CPED1: variants seen among roughly 807,000 people sequenced by gnomAD.
The protein encoded by CPED1 is cadherin-like and PC-esterase domain-containing protein 1.
CPED1 carries 114 observed loss-of-function variants against 128.2 expected under a neutral mutation model. The ratio of observed to expected loss-of-function variants is 0.89; its 90% confidence interval spans 0.76 to 1.04. CPED1 has a LOEUF of 1.04. Ranked by LOEUF, CPED1 falls within the 50% of genes least tolerant of loss-of-function variation. The probability of loss-of-function intolerance (pLI) is 0.00; values close to 1 mark genes in which losing one functional copy is unlikely to be tolerated. For missense variants in CPED1, 1,211 were observed against 1,207.1 expected, an observed-to-expected ratio of 1.00 and a Z score of -0.05; for synonymous variants, 462 against 426.7, an observed-to-expected ratio of 1.08 and a Z score of -1.02.
intron 16 of CPED1, among the ~76,000 whole-genome samples, chr7:121,194,022 C>CTATATATATATATA (rs1231718616): frequency 4.0e-5 from 3 of 74,762 alleles, no homozygotes; most frequent in African/African-American, 5.3e-5. Flanking sequence ...CTCTCTCTCT[C>CTATATATATATATA]TATATATATA....
intron 16 of CPED1, among the ~76,000 whole-genome samples, chr7:121,151,177 G>A (rs1259626123): frequency 6.6e-6 from 1 of 152,114 alleles, no homozygotes; most frequent in Non-Finnish European, 1.5e-5. Flanking sequence ...TTTGGAGGAG[G>A]CAGTGTGCCC....
chr7:121,253,141 G>A (rs1433198047), intron 18 of CPED1, among the ~76,000 whole-genome samples: 1 of 152,076 alleles, frequency 6.6e-6, no homozygotes, highest in East Asian at 1.9e-4. Flanking sequence ...CATAAAAAAT[G>A]ATGAGTTCAT....
intron 16 of CPED1, among the ~76,000 whole-genome samples, chr7:121,143,437 G>C (rs1795949136): frequency 6.6e-6 from 1 of 151,732 alleles, no homozygotes; most frequent in Non-Finnish European, 1.5e-5. Flanking sequence ...TATTTTTGTG[G>C]GACAGATTTG....
intron 18 of CPED1, among the ~76,000 whole-genome samples, chr7:121,256,304 A>G (rs182742050): frequency 2.6e-4 from 40 of 152,192 alleles, no homozygotes; most frequent in Admixed American, 6.6e-4. Flanking sequence ...CTGATCTTCA[A>G]CAAGGCCAGT....
chr7:121,296,264 G>GA lies in CPED1; in HGVS notation c.*615dup. 1 of 152,244 alleles carries GA rather than the reference G, an allele frequency of 6.6e-6. No homozygotes were observed. The highest frequency in any genetic ancestry group is 1.5e-5 in the Non-Finnish European group (1 of 68,026). 9.4% of individuals were successfully genotyped at this position (152,244 alleles called of 1,614,324 possible). On this transcript the variant is annotated 3_prime_UTR_variant, in exon 23 of 23. Transcript: ENST00000310396. ...TGAAGAGATTCTGTGAGAGAGATAT[G>GA]AAATATTTTATAGTTAAAACACCAA...
chr7:121,157,944 C>T (rs1006491980), intron 16 of CPED1, among the ~76,000 whole-genome samples: 25 of 152,016 alleles, frequency 1.6e-4, no homozygotes, highest in African/African-American at 5.6e-4. Context: ...TCTTCTATAC[C>T]CTTACTGGTT....
intron 7 of CPED1, among the ~76,000 whole-genome samples, chr7:121,112,916 A>G (rs1424626211): frequency 1.3e-5 from 2 of 152,184 alleles, no homozygotes; most frequent in Non-Finnish European, 2.9e-5. Flanking sequence ...ATGTGAGAAT[A>G]GGGAAATATT....
At chr7:121,027,608 C>G (rs1281358649) in intron 3 of CPED1, among the ~76,000 whole-genome samples, 2 of 151,988 alleles carry the variant, frequency 1.3e-5, no homozygotes, top group Admixed American at 6.6e-5. Context: ...TCAGCTCAAC[C>G]AACTGAGGAA....
chr7:121,129,894 G>A (rs1167570660), intron 11 of CPED1, among the ~76,000 whole-genome samples: 47 of 146,002 alleles, frequency 3.2e-4, no homozygotes, highest in Non-Finnish European at 3.0e-4. Flanking sequence ...TCAATGAAAA[G>A]AAAAAAAAAA....
intron 2 of CPED1, among the ~76,000 whole-genome samples, chr7:120,994,625 C>G (rs1585005305): frequency 6.9e-6 from 1 of 144,570 alleles, no homozygotes; most frequent in Non-Finnish European, 1.5e-5. Context: ...ATTTGTTATA[C>G]TGTGTGTGTG....
chr7:121,194,022 C>CTATATATATATA (rs1231718616), intron 16 of CPED1, among the ~76,000 whole-genome samples: 1 of 74,748 alleles, frequency 1.3e-5, no homozygotes, highest in Non-Finnish European at 2.4e-5. Context: ...CTCTCTCTCT[C>CTATATATATATA]TATATATATA....
intron 5 of CPED1, among the ~76,000 whole-genome samples, chr7:121,096,265 A>G (rs1794696552): frequency 6.6e-6 from 1 of 152,178 alleles, no homozygotes; most frequent in Non-Finnish European, 1.5e-5. Context: ...ATACGGGAAT[A>G]CATTGAACAG....
At chr7:121,009,788 G>A (rs1202355523) in intron 2 of CPED1, among the ~76,000 whole-genome samples, 4 of 152,148 alleles carry the variant, frequency 2.6e-5, no homozygotes, top group Non-Finnish European at 5.9e-5. Flanking sequence ...ATGGCCATTG[G>A]AGCAGGTGTT....
rs72607708 is a variant in CPED1, at chr7:121,035,052, T to A, written c.434-11835T>A. Among the ~76,000 whole-genome samples the A allele has an allele frequency of 6.8e-3, 1,028 of 152,128 alleles. 62 individuals are homozygous for A. The East Asian group carries it at 0.14, about 20-fold the overall frequency. Reference sequence around the variant, plus strand: ...GGGAAGAGCATTCAAAAGTGTGAGCTCCATACTAGAGGCATATAGGTTTGT... The same window carrying A: ...GGGAAGAGCATTCAAAAGTGTGAGCACCATACTAGAGGCATATAGGTTTGT... On this transcript the variant is annotated intron_variant, in intron 3 of 22. Transcript: ENST00000310396.
intron 3 of CPED1, among the ~76,000 whole-genome samples, chr7:121,039,329 A>G (rs576358534): frequency 2.6e-5 from 4 of 151,938 alleles, no homozygotes; most frequent in Middle Eastern, 3.4e-3. Context: ...CTTTGTTGTT[A>G]CTTTTTTGTT....
intron 3 of CPED1, among the ~76,000 whole-genome samples, chr7:121,028,881 A>G (rs1792662204): frequency 6.6e-6 from 1 of 152,178 alleles, no homozygotes; most frequent in South Asian, 2.1e-4. Flanking sequence ...AAGATAATTA[A>G]TGTTGGATGT....
intron 16 of CPED1, among the ~76,000 whole-genome samples, chr7:121,145,849 A>G (rs1796013152): frequency 6.6e-6 from 1 of 151,804 alleles, no homozygotes; most frequent in Non-Finnish European, 1.5e-5. Context: ...GCTGAAATCT[A>G]GAGTCAAACT....
intron 2 of CPED1, among the ~76,000 whole-genome samples, chr7:121,000,405 C>T (rs1791816795): frequency 6.6e-6 from 1 of 152,018 alleles, no homozygotes; most frequent in Non-Finnish European, 1.5e-5. Flanking sequence ...CTGAGTCGGC[C>T]ATGTATAAGG....
chr7:121,209,690 T>A (rs1797603144), intron 16 of CPED1, among the ~76,000 whole-genome samples: 1 of 152,052 alleles, frequency 6.6e-6, no homozygotes, highest in Admixed American at 6.6e-5. Context: ...AACATTGGTC[T>A]GAGCAAAGAT....
Sources: allele counts gnomAD v4.1 joint callset (sites outside exome capture counted in the v4.1 genomes callset), GRCh38; gene constraint gnomAD v4.1.1; transcripts MANE v1.5; gene names NCBI Gene and HGNC (gene_info 2026-07-23, HGNC 2026-07-21).